The following PLCG2 variants were observed in gnomAD, a reference collection of about 807,000 sequenced individuals.
PLCG2 encodes the protein phospholipase C gamma 2, also known as 1-phosphatidylinositol 4,5-bisphosphate phosphodiesterase gamma-2.
In PLCG2, 69 loss-of-function variants were observed where a neutral mutation model predicts 175.6. That is an observed-to-expected ratio of 0.39 (90% CI 0.32 to 0.48). The LOEUF is 0.48. PLCG2 is among the 20% of genes least tolerant of loss of function. The pLI is 0.91. For synonymous variants in PLCG2, 827 were observed against 624.0 expected (o/e 1.33, Z -4.85); for missense variants, 1,798 against 1,650.9 (o/e 1.09, Z -1.54).
At chr16:81,871,286 A>G (rs1015345705) in intron 7 of PLCG2, among the ~76,000 whole-genome samples, 4 of 152,202 alleles carry the variant, frequency 2.6e-5, no homozygotes, top group Admixed American at 2.6e-4. Context: ...GGCTGTTATT[A>G]TTAATAGCCA....
intron 2 of PLCG2, among the ~76,000 whole-genome samples, chr16:81,821,585 C>G (rs117824271): frequency 0.02 from 3,027 of 152,136 alleles, 47 homozygotes; most frequent in Non-Finnish European, 0.03. Context: ...GCTGGCCCTA[C>G]TTGTTGCCTT....
chr16:81,809,215 C>T (rs1904297647), intron 2 of PLCG2, among the ~76,000 whole-genome samples: 1 of 152,140 alleles, frequency 6.6e-6, no homozygotes. Context: ...CACCACAAGC[C>T]ACTTGCTGGA....
chr16:81,767,340 TCA>T (rs1208953803), intron 2 of PLCG2: 1 of 152,062 alleles, frequency 6.6e-6, no homozygotes, highest in Non-Finnish European at 1.5e-5. Context: ...AGATGGGGTT[TCA>T]CCATGTTGGC....
intron 2 of PLCG2, among the ~76,000 whole-genome samples, chr16:81,808,081 T>C (rs1441155362): frequency 1.3e-5 from 2 of 152,238 alleles, no homozygotes; most frequent in Admixed American, 6.5e-5. Context: ...TTGGCTATTA[T>C]GAATAGTGCT....
intron 2 of PLCG2, among the ~76,000 whole-genome samples, chr16:81,815,183 A>G (rs968629796): frequency 6.6e-6 from 1 of 152,124 alleles, no homozygotes; most frequent in African/African-American, 2.4e-5. Flanking sequence ...CTTCATGCAG[A>G]GGGTGGTTAT....
chr16:81,893,873 G>C, intron 12 of PLCG2, 79 bp downstream of exon 12: 1 of 883,768 alleles, frequency 1.1e-6, no homozygotes, highest in East Asian at 2.5e-5. Flanking sequence ...GTTTTCTTTC[G>C]AATTGTAAAA....
At chr16:81,909,545 T>A (rs1464469942) in intron 17 of PLCG2, among the ~76,000 whole-genome samples, 1 of 152,168 alleles carries the variant, frequency 6.6e-6, no homozygotes, top group Non-Finnish European at 1.5e-5. Flanking sequence ...GCCATTTAAG[T>A]AGCTGGGACT....
chr16:81,937,949 C>G, intron 28 of PLCG2, 46 bp downstream of exon 28: 1 of 1,595,446 alleles, frequency 6.3e-7, no homozygotes, highest in South Asian at 1.1e-5. Flanking sequence ...GCCGCCCTCC[C>G]TGGGGGCTGG....
In PLCG2 at chr16:81,868,422, C is replaced by T. The variant is rs116336167; in HGVS notation, c.480-792C>T. ...GGGGGTCCCCACTTACTCTGCATCCCTCTTGTCTCTTCACAGTGTCAGACT... is the reference window on the plus strand; with the variant it reads ...GGGGGTCCCCACTTACTCTGCATCCTTCTTGTCTCTTCACAGTGTCAGACT... On this transcript the variant is annotated intron_variant, in intron 5 of 32. Coordinates refer to ENST00000564138, the MANE Select transcript of PLCG2 (RefSeq NM_002661.5). Among the ~76,000 whole-genome samples, 1,371 of 152,244 alleles carry T rather than the reference C, an allele frequency of 9.0e-3. 24 individuals carry two copies. The highest frequency in any genetic ancestry group is 0.032 in the African/African-American group (1,324 of 41,534).
chr16:81,782,213 G>C (rs951874043), intron 1 of PLCG2, among the ~76,000 whole-genome samples: 1 of 139,502 alleles, frequency 7.2e-6, no homozygotes, highest in Non-Finnish European at 1.5e-5. Context: ...TGAGATACAA[G>C]AACATGAATG....
At chr16:81,920,427 G>C (rs1431818235) in intron 20 of PLCG2, among the ~76,000 whole-genome samples, 3 of 152,346 alleles carry the variant, frequency 2.0e-5, no homozygotes, top group Non-Finnish European at 4.4e-5. Context: ...ACACAATTAA[G>C]ATGTTTTCAG....
chr16:81,904,273 C>A (rs1238462349), intron 14 of PLCG2, among the ~76,000 whole-genome samples: 1 of 152,204 alleles, frequency 6.6e-6, no homozygotes, highest in Non-Finnish European at 1.5e-5. Flanking sequence ...TTTTACGAGA[C>A]AGATTACTGA....
At chr16:81,798,714 C>G (rs1370311139) in intron 2 of PLCG2, 1 of 152,322 alleles carries the variant, frequency 6.6e-6, no homozygotes, top group Admixed American at 6.5e-5. Flanking sequence ...TGGGAACTTA[C>G]TAATTTGTAG....
rs369124040 is a variant in PLCG2 at position 81,901,603 on chromosome 16, T to G, written c.1362+823T>G. 1.4e-3 allele frequency among the ~76,000 whole-genome samples: 213 copies of G among 152,346 alleles called. 1 individual carries two copies. Among genetic ancestry groups the G allele is most frequent in the African/African-American group, 5.0e-3 (206 of 41,570 alleles). On this transcript the variant is annotated intron_variant, in intron 14 of 32. Transcript: ENST00000564138. ...CTTCAACAGAAAAAAAATTACATCT[T>G]TATTTGTTTAACCTGTACATAAAAC...
intron 1 of PLCG2, among the ~76,000 whole-genome samples, chr16:81,753,422 A>AT (rs753282815): frequency 0.018 from 2,129 of 118,020 alleles, 16 homozygotes; most frequent in African/African-American, 0.03. Context: ...ATTTAATTTA[A>AT]TTTTTTTTTT....
intron 2 of PLCG2, among the ~76,000 whole-genome samples, chr16:81,768,163 A>G (rs777495349): frequency 2.0e-5 from 3 of 152,128 alleles, no homozygotes; most frequent in Admixed American, 6.5e-5. Flanking sequence ...GGCGTGAGCC[A>G]CCATGCCCGG....
chr16:81,772,266 C>T (rs915131946), intron 2 of PLCG2, among the ~76,000 whole-genome samples: 4 of 152,068 alleles, frequency 2.6e-5, no homozygotes, highest in African/African-American at 4.8e-5. Flanking sequence ...CAGCTCCAAG[C>T]CAAGGAGCGC....
At chr16:81,887,502 T>C (rs1345731702) in intron 9 of PLCG2, among the ~76,000 whole-genome samples, 1 of 152,222 alleles carries the variant, frequency 6.6e-6, no homozygotes, top group African/African-American at 2.4e-5. Context: ...CAAATGAGCT[T>C]GTAGTTTCCC....
chr16:81,854,879 A>C (rs1228859165), intron 3 of PLCG2, among the ~76,000 whole-genome samples: 1 of 152,144 alleles, frequency 6.6e-6, no homozygotes, highest in African/African-American at 2.4e-5. Flanking sequence ...GAGCTGAATA[A>C]GTGATGATTA....
Sources: gnomAD v4.1 joint callset for allele counts (sites outside exome capture counted in the v4.1 genomes callset) on GRCh38, gnomAD v4.1.1 for gene constraint, MANE v1.5 for transcripts, NCBI Gene and HGNC (gene_info 2026-07-23, HGNC 2026-07-21) for gene names.